Variants in WWC1 observed in about 807,000 individuals in gnomAD.
WWC1 encodes protein KIBRA.
In WWC1, 55 loss-of-function variants were observed where a neutral mutation model predicts 138.4. That is an observed-to-expected ratio of 0.40 (90% CI 0.32 to 0.50). WWC1 has a LOEUF of 0.50. Ranked by LOEUF, WWC1 falls within the 20% of genes least tolerant of loss-of-function variation. The pLI, the probability that WWC1 is intolerant of heterozygous loss-of-function variation, is 0.72. For missense variants in WWC1, 1,226 were observed against 1,420.4 expected (o/e 0.86, Z 2.20); for synonymous variants, 524 against 564.9 (o/e 0.93, Z 1.03).
At chr5:168,414,152 C>T in intron 8 of WWC1, 196 bp from the exon 9 acceptor site, 1 of 678,890 alleles carries the variant, frequency 1.5e-6, no homozygotes, top group South Asian at 2.0e-5. Flanking sequence ...CCTGCAGAGC[C>T]TACTTCATTG....
chr5:168,338,425 G>C (rs1163935128), intron 1 of WWC1, among the ~76,000 whole-genome samples: 1 of 140,772 alleles, frequency 7.1e-6, no homozygotes, highest in African/African-American at 3.1e-5. Context: ...TTTTTTTTTG[G>C]GGGGGGATTG....
intron 1 of WWC1, among the ~76,000 whole-genome samples, chr5:168,344,387 A>G (rs1251096551): frequency 6.6e-6 from 1 of 152,156 alleles, no homozygotes; most frequent in Non-Finnish European, 1.5e-5. Flanking sequence ...ACAGCGAGTT[A>G]TGGGGTCTTG....
intron 1 of WWC1, among the ~76,000 whole-genome samples, chr5:168,310,316 GT>G (rs969380431): frequency 4.0e-5 from 6 of 151,050 alleles, no homozygotes; most frequent in Non-Finnish European, 8.8e-5. Flanking sequence ...GTTTTTTTGC[GT>G]TGACCATTTA....
At chr5:168,307,685 A>T (rs375447737) in intron 1 of WWC1, among the ~76,000 whole-genome samples, 1 of 148,434 alleles carries the variant, frequency 6.7e-6, no homozygotes, top group East Asian at 2.0e-4. Flanking sequence ...GCTCACTGCA[A>T]CCTCCGCCTC....
At chr5:168,320,580 A>T (rs1245302186) in intron 1 of WWC1, among the ~76,000 whole-genome samples, 4 of 152,180 alleles carry the variant, frequency 2.6e-5, no homozygotes, top group Admixed American at 2.0e-4. Context: ...ATTAATAGAG[A>T]TAAGTCCCAT....
At chr5:168,329,228 T>G (rs1299516577) in intron 1 of WWC1, among the ~76,000 whole-genome samples, 1 of 152,198 alleles carries the variant, frequency 6.6e-6, no homozygotes, top group East Asian at 1.9e-4. Flanking sequence ...ACCTGTAGTT[T>G]TGTATGATTC....
At chr5:168,418,085 CTCTG>C (rs1780790653) in intron 9 of WWC1, among the ~76,000 whole-genome samples, 1 of 152,096 alleles carries the variant, frequency 6.6e-6, no homozygotes, top group Non-Finnish European at 1.5e-5. Flanking sequence ...TTTCTCTATT[CTCTG>C]TCTCTCAAAA....
chr5:168,393,822 T>C (rs13165967), intron 3 of WWC1, among the ~76,000 whole-genome samples: 40,349 of 152,040 alleles, frequency 0.27, 5,553 homozygotes, highest in South Asian at 0.41. Flanking sequence ...CAGATTCACA[T>C]TGGTCTGGAC....
intron 3 of WWC1, among the ~76,000 whole-genome samples, chr5:168,388,312 G>A (rs1582122036): frequency 1.3e-5 from 2 of 151,560 alleles, no homozygotes; most frequent in East Asian, 1.9e-4. Context: ...AGCCTAAAGA[G>A]GCACACCACC....
rs1441200940 is a variant in WWC1, at chr5:168,423,936, G to A, written c.1678G>A (p.Ala560Thr). Residue 560 changes from alanine to threonine, a missense_variant, in exon 11 of 23, where the codon GCC becomes ACC. Physicochemically the swap from Ala to Thr is moderately conservative, Grantham distance 58. This residue lies in a region of WWC1 where 1,016 missense variants were observed against 1,153.9 expected (regional missense o/e 0.88). Coordinates refer to ENST00000265293, the MANE Select transcript of WWC1 (RefSeq NM_015238.3). ...LMADPLLAGDAFLNSLEFEDP... is the reference protein window; with the variant it reads ...LMADPLLAGDTFLNSLEFEDP... ...GGCTGACCCCCTCCTGGCTGGTGAT[G>A]CCTTCCTCAACTCCTTGGAGTTTGA... The A allele has an allele frequency of 1.2e-6, 2 of 1,614,080 alleles. No homozygotes were observed. The highest frequency in any genetic ancestry group is 8.5e-7 in the Non-Finnish European group (1 of 1,180,032).
intron 3 of WWC1, 110 bp downstream of exon 3, chr5:168,385,524 T>G: frequency 8.8e-7 from 1 of 1,132,104 alleles, no homozygotes; most frequent in South Asian, 1.5e-5. Context: ...ACCTCTACTC[T>G]TTGTCCAAAC....
intron 15 of WWC1, among the ~76,000 whole-genome samples, chr5:168,434,037 C>G (rs940931567): frequency 6.6e-6 from 1 of 152,230 alleles, no homozygotes; most frequent in African/African-American, 2.4e-5. Context: ...GCACAGGGCT[C>G]CCTGGAGCCC....
intron 7 of WWC1, among the ~76,000 whole-genome samples, chr5:168,409,386 G>A (rs1326069035): frequency 6.6e-6 from 1 of 152,164 alleles, no homozygotes; most frequent in Admixed American, 6.5e-5. Context: ...AAAAGAGGCT[G>A]TCCCTTCCTT....
chr5:168,418,118 C>T (rs1301512082), intron 9 of WWC1, among the ~76,000 whole-genome samples: 1 of 152,186 alleles, frequency 6.6e-6, no homozygotes, highest in African/African-American at 2.4e-5. Flanking sequence ...TTATGCTCCT[C>T]ATCTTCACAC....
At chr5:168,297,813 A>G (rs1769686270) in intron 1 of WWC1, among the ~76,000 whole-genome samples, 1 of 152,202 alleles carries the variant, frequency 6.6e-6, no homozygotes, top group South Asian at 2.1e-4. Context: ...CACATATTTT[A>G]TGTGCATGGC....
At chr5:168,429,598 A>G (rs1256686685) in intron 13 of WWC1, among the ~76,000 whole-genome samples, 1 of 152,116 alleles carries the variant, frequency 6.6e-6, no homozygotes, top group African/African-American at 2.4e-5. Flanking sequence ...CAACATTTCC[A>G]TATCATGAAA....
At chr5:168,464,664 A>C in intron 20 of WWC1, 65 bp from the exon 21 acceptor site, 1 of 1,597,324 alleles carries the variant, frequency 6.3e-7, no homozygotes. Flanking sequence ...GGGTCAGAGG[A>C]AGAGGCTGGG....
At position 168,406,339 on chromosome 5, in the gene WWC1, C is replaced by G. The variant is rs1335557638; in HGVS notation, c.720+12C>G. 2 of 1,613,086 alleles carry G rather than the reference C, an allele frequency of 1.2e-6. No individual in the cohort carries two copies. The highest frequency in any genetic ancestry group is 3.3e-5 in the Admixed American group (2 of 59,948). On this transcript the variant is annotated intron_variant, in intron 6 of 22. Coordinates refer to ENST00000265293, the MANE Select transcript of WWC1 (RefSeq NM_015238.3). Reference sequence around the variant, plus strand: ...AAGATCTCATTAAGGTATGCAAGTTCCTGTTGATGTGGGTGCCATCTTGAT... The same window carrying G: ...AAGATCTCATTAAGGTATGCAAGTTGCTGTTGATGTGGGTGCCATCTTGAT...
intron 17 of WWC1, among the ~76,000 whole-genome samples, chr5:168,448,616 A>ATTTG (rs1755502709): frequency 8.5e-6 from 1 of 117,616 alleles, no homozygotes; most frequent in Admixed American, 9.4e-5. Flanking sequence ...CTCAAATAAG[A>ATTTG]TTTTTTTTTT....
Sources: allele counts gnomAD v4.1 joint callset (sites outside exome capture counted in the v4.1 genomes callset), GRCh38; gene constraint gnomAD v4.1.1; regional missense constraint gnomAD v4.1.1; transcripts MANE v1.5; gene names NCBI Gene and HGNC (gene_info 2026-07-23, HGNC 2026-07-21).